Variants in ZNF136 observed in about 807,000 individuals in gnomAD.
ZNF136 encodes the protein zinc finger protein 136 (clone pHZ-20).
A neutral mutation model predicts 11.4 loss-of-function variants in ZNF136; 8 were observed. That is an observed-to-expected ratio of 0.70 (90% CI 0.41 to 1.27). The LOEUF is 1.27. Ranked by LOEUF, ZNF136 falls within the 50% of genes most tolerant of loss-of-function variation. The probability of loss-of-function intolerance (pLI) is 0.01; values close to 1 mark genes in which losing one functional copy is unlikely to be tolerated. For synonymous variants in ZNF136, 190 were observed against 207.1 expected (o/e 0.92, Z 0.71); for missense variants, 590 against 656.5 (o/e 0.90, Z 1.11).
At chr19:12,179,854 A>C (rs1460860917) in intron 1 of ZNF136, among the ~76,000 whole-genome samples, 1 of 152,106 alleles carries the variant, frequency 6.6e-6, no homozygotes, top group Non-Finnish European at 1.5e-5. Context: ...GAAATATATA[A>C]ATTCTAACTA....
chr19:12,175,277 C>T (rs1396891747), intron 1 of ZNF136, among the ~76,000 whole-genome samples: 5 of 151,970 alleles, frequency 3.3e-5, no homozygotes, highest in African/African-American at 9.7e-5. Context: ...TCACCGCAAC[C>T]TCCACCTCCT....
At chr19:12,183,560 T>A (rs1005676651) in intron 1 of ZNF136, among the ~76,000 whole-genome samples, 201 of 128,100 alleles carry the variant, frequency 1.6e-3, no homozygotes, top group African/African-American at 5.6e-3. Context: ...TCTATCTATC[T>A]ATCTATCTAT....
intron 1 of ZNF136, among the ~76,000 whole-genome samples, chr19:12,183,684 A>C (rs1474548663): frequency 6.6e-6 from 1 of 150,942 alleles, no homozygotes; most frequent in Non-Finnish European, 1.5e-5. Flanking sequence ...CTGCATTCTC[A>C]TACTCCTGGT....
intron 1 of ZNF136, among the ~76,000 whole-genome samples, chr19:12,178,421 T>C (rs1269626888): frequency 6.6e-6 from 1 of 152,200 alleles, no homozygotes; most frequent in Non-Finnish European, 1.5e-5. Context: ...CTTCCTCATA[T>C]CAGGAAGATT....
chr19:12,168,237 T>A (rs1329334614), intron 1 of ZNF136, among the ~76,000 whole-genome samples: 1 of 151,678 alleles, frequency 6.6e-6, no homozygotes, highest in Non-Finnish European at 1.5e-5. Flanking sequence ...CACGCCTGGC[T>A]AATTTTTTAT....
At chr19:12,169,880 T>C (rs767410969) in intron 1 of ZNF136, among the ~76,000 whole-genome samples, 67 of 150,246 alleles carry the variant, frequency 4.5e-4, no homozygotes, top group Non-Finnish European at 7.8e-4. Flanking sequence ...CTGCAAGCTC[T>C]GCCTCCCGGG....
chr19:12,186,423 C>T lies in ZNF136; in HGVS notation c.192-147C>T, dbSNP rs904496695. 2.1e-5 allele frequency: 17 copies of T among 802,806 alleles called. No homozygotes were observed. The African/African-American group carries it at 2.6e-4, about 12-fold the overall frequency. The allele number at this position is 802,806 out of a possible 1,614,324, so 49.7% of individuals were successfully genotyped here. A position where few individuals can be genotyped will look rare whatever the true frequency, so the allele number is the denominator to read the frequency against. On this transcript the variant is annotated intron_variant, in intron 3 of 3. Coordinates refer to ENST00000343979, the MANE Select transcript of ZNF136 (RefSeq NM_003437.5). ...GTGATAGTTGCGGTCAAGCCCATTG[C>T]AGAGCATTGAATTCATTCATGCTCA...
chr19:12,181,658 A>G (rs535132638), intron 1 of ZNF136, among the ~76,000 whole-genome samples: 1 of 151,872 alleles, frequency 6.6e-6, no homozygotes, highest in South Asian at 2.1e-4. Flanking sequence ...GGGGGGGGAC[A>G]GAGCCTCACT....
At chr19:12,175,524 G>GTTC (rs1914768749) in intron 1 of ZNF136, among the ~76,000 whole-genome samples, 1 of 152,184 alleles carries the variant, frequency 6.6e-6, no homozygotes, top group Admixed American at 6.6e-5. Flanking sequence ...GTAGTTTTAG[G>GTTC]TTCACAGCAA....
chr19:12,163,584 T>TAG (rs1203459350), intron 1 of ZNF136, among the ~76,000 whole-genome samples: 1 of 152,154 alleles, frequency 6.6e-6, no homozygotes, highest in African/African-American at 2.4e-5. Context: ...TTCCCTGAGT[T>TAG]TTCTAAGTGT....
intron 3 of ZNF136, among the ~76,000 whole-genome samples, 186 bp downstream of exon 3, chr19:12,186,360 A>G (rs1405243822): frequency 6.6e-6 from 1 of 152,240 alleles, no homozygotes; most frequent in East Asian, 1.9e-4. Flanking sequence ...TCATTTGTCA[A>G]CAGAATTAAG....
rs371456864 is a variant in ZNF136 at position 12,182,631 on chromosome 19, A to G, written c.4-3154A>G. ...GTATTGAGGGGAAAGACAGAAAATGATTCTTGCCCTCTGGATTCTCTCAGA... is the reference window on the plus strand; with the variant it reads ...GTATTGAGGGGAAAGACAGAAAATGGTTCTTGCCCTCTGGATTCTCTCAGA... On this transcript the variant is annotated intron_variant, in intron 1 of 3. Coordinates refer to ENST00000343979, the MANE Select transcript of ZNF136 (RefSeq NM_003437.5). 3.3e-5 allele frequency among the ~76,000 whole-genome samples: 5 copies of G among 152,390 alleles called. No homozygotes were observed. In the South Asian group the frequency reaches 1.0e-3, roughly 32 times the overall value.
intron 1 of ZNF136, among the ~76,000 whole-genome samples, chr19:12,183,733 G>A (rs1273662660): frequency 6.6e-6 from 1 of 152,008 alleles, no homozygotes; most frequent in Non-Finnish European, 1.5e-5. Context: ...TGAGTAGCTG[G>A]GACTACAGGC....
chr19:12,164,144 G>A (rs886763744), intron 1 of ZNF136, among the ~76,000 whole-genome samples: 11 of 152,084 alleles, frequency 7.2e-5, no homozygotes, highest in Admixed American at 3.3e-4. Context: ...GATAAATCTA[G>A]CATACCCTGC....
intron 1 of ZNF136, among the ~76,000 whole-genome samples, chr19:12,172,796 G>A (rs990352704): frequency 1.3e-5 from 2 of 152,056 alleles, no homozygotes; most frequent in African/African-American, 4.8e-5. Context: ...GGCGGATCAC[G>A]AGGTCAGGAG....
chr19:12,164,372 A>C (rs1977155383), intron 1 of ZNF136, among the ~76,000 whole-genome samples: 1 of 151,804 alleles, frequency 6.6e-6, no homozygotes, highest in Admixed American at 6.6e-5. Context: ...TCTGGGTTCA[A>C]GCGATTCTCC....
At chr19:12,179,160 A>C (rs780820864) in intron 1 of ZNF136, among the ~76,000 whole-genome samples, 24 of 152,210 alleles carry the variant, frequency 1.6e-4, no homozygotes, top group Non-Finnish European at 3.1e-4. Flanking sequence ...ACCAAAAGTT[A>C]AATCAAGCTT....
intron 1 of ZNF136, among the ~76,000 whole-genome samples, chr19:12,168,819 G>A (rs1914560005): frequency 1.3e-5 from 2 of 152,014 alleles, no homozygotes; most frequent in Admixed American, 1.3e-4. Flanking sequence ...AGAATCACAA[G>A]TGCCTGCCAC....
At chr19:12,169,924 A>G (rs1914601662) in intron 1 of ZNF136, among the ~76,000 whole-genome samples, 1 of 151,668 alleles carries the variant, frequency 6.6e-6, no homozygotes, top group South Asian at 2.1e-4. Flanking sequence ...CCTCCCAAGT[A>G]GCTGGGACTA....
Sources: gnomAD v4.1 joint callset for allele counts (sites outside exome capture counted in the v4.1 genomes callset) on GRCh38, gnomAD v4.1.1 for gene constraint, MANE v1.5 for transcripts, NCBI Gene and HGNC (gene_info 2026-07-23, HGNC 2026-07-21) for gene names.